Variants in AFF3 observed in about 807,000 individuals in gnomAD.
The protein encoded by AFF3 is AF4/FMR2 family member 3.
In AFF3, 32 loss-of-function variants were observed where a neutral mutation model predicts 129.7. The observed-to-expected ratio is 0.25, with a 90% CI of 0.19 to 0.33. The LOEUF (loss-of-function observed/expected upper bound fraction) is 0.33, where lower values mean the gene tolerates loss of function less well. Among genes scored for constraint, AFF3 ranks in the 10% least tolerant of loss-of-function variants. The pLI is 1.00. For synonymous variants in AFF3, 644 were observed against 635.4 expected (o/e 1.01, Z -0.20); for missense variants, 1,373 against 1,592.0 (o/e 0.86, Z 2.34).
intron 8 of AFF3, among the ~76,000 whole-genome samples, chr2:99,767,847 A>G (rs1207760855): frequency 3.3e-5 from 5 of 152,212 alleles, no homozygotes; most frequent in African/African-American, 9.7e-5. Context: ...CAGGAGGCTG[A>G]GGCAGGAGAA....
At chr2:100,039,590 A>C (rs868243331) in intron 4 of AFF3, among the ~76,000 whole-genome samples, 11 of 151,836 alleles carry the variant, frequency 7.2e-5, no homozygotes, top group Admixed American at 1.3e-4. Flanking sequence ...CCCCATGGCC[A>C]ATGACCTAGC....
chr2:99,747,392 C>T (rs1402972733), intron 9 of AFF3, among the ~76,000 whole-genome samples: 5 of 152,222 alleles, frequency 3.3e-5, no homozygotes, highest in South Asian at 2.1e-4. Context: ...TGCAGTGGCA[C>T]GATCATGGCT....
intron 7 of AFF3, among the ~76,000 whole-genome samples, chr2:99,923,775 A>G (rs1289107496): frequency 6.6e-6 from 1 of 152,190 alleles, no homozygotes; most frequent in Non-Finnish European, 1.5e-5. Flanking sequence ...AAAAGAGAAC[A>G]TGTTATGGCC....
intron 14 of AFF3, 73 bp downstream of exon 14, chr2:99,601,362 A>G (rs1679810129): frequency 6.9e-7 from 1 of 1,443,708 alleles, no homozygotes; most frequent in Admixed American, 2.5e-5. Context: ...TGTGACAGTG[A>G]CAATGCCCGG....
chr2:100,054,189 G>T (rs1229595124), intron 4 of AFF3, among the ~76,000 whole-genome samples: 2 of 152,186 alleles, frequency 1.3e-5, no homozygotes, highest in African/African-American at 4.8e-5. Flanking sequence ...CTGACCAAGT[G>T]GGGGCACCTT....
intron 7 of AFF3, among the ~76,000 whole-genome samples, chr2:99,968,777 C>T (rs778634649): frequency 2.0e-5 from 3 of 152,180 alleles, no homozygotes; most frequent in Non-Finnish European, 2.9e-5. Context: ...CAACAGCTTC[C>T]GGCTAGAAGG....
chr2:99,656,871 G>A lies in AFF3; in HGVS notation c.1144-7205C>T, dbSNP rs566111874. On this transcript the variant is annotated intron_variant, in intron 12 of 24. Transcript: ENST00000672756. ...TGCTGCCTAGGAAGCATTTTGTTCG[G>A]TCAACTTTGACCTCATCCCATTCTC... Among the ~76,000 whole-genome samples the A allele has an allele frequency of 1.2e-4, 18 of 152,222 alleles. No individual in the cohort carries two copies. In the South Asian group the frequency reaches 3.3e-3, roughly 28 times the overall value.
chr2:100,106,797 A>G (rs746824155), intron 2 of AFF3: 88 of 985,390 alleles, frequency 8.9e-5, no homozygotes, highest in South Asian at 4.7e-5. Context: ...TGCGAGTCCC[A>G]TGCTGGGCCT....
rs1688770746 is a variant in AFF3, at chr2:99,835,145, CCACTCCCTCTTGCTTCTCCTT to C, written c.921+2311_921+2331del. 3.3e-5 allele frequency among the ~76,000 whole-genome samples: 5 copies of C among 152,274 alleles called. No individual in the cohort carries two copies. In the South Asian group the frequency reaches 1.0e-3, roughly 32 times the overall value. ...TGGGCTGGACTCCTGCAATAGCCTC[CCACTCCCTCTTGCTTCTCCTT>C]TTCCCGGTGGATCCCTCTCCATAGC... On this transcript the variant is annotated intron_variant, in intron 8 of 24. Coordinates refer to ENST00000672756, the MANE Select transcript of AFF3 (RefSeq NM_001386135.1).
chr2:99,565,383 C>T, intron 20 of AFF3, 104 bp downstream of exon 20: 1 of 1,484,264 alleles, frequency 6.7e-7, no homozygotes, highest in East Asian at 2.3e-5. Flanking sequence ...AACACTGGTT[C>T]CTGGTGGGGG....
chr2:100,079,814 G>A (rs1005815211), intron 4 of AFF3, among the ~76,000 whole-genome samples: 2 of 152,090 alleles, frequency 1.3e-5, no homozygotes, highest in South Asian at 2.1e-4. Flanking sequence ...GTCTGATGCC[G>A]CAGATGTTAT....
intron 8 of AFF3, among the ~76,000 whole-genome samples, chr2:99,761,205 G>A (rs1429228706): frequency 6.9e-6 from 1 of 145,124 alleles, no homozygotes; most frequent in African/African-American, 2.7e-5. Context: ...TTTTTGTATA[G>A]GCTTATAATG....
chr2:99,940,679 G>A (rs1240636067), intron 7 of AFF3, among the ~76,000 whole-genome samples: 1 of 152,080 alleles, frequency 6.6e-6, no homozygotes, highest in African/African-American at 2.4e-5. Context: ...CAAAAAAATG[G>A]GCAACCAGCA....
chr2:99,553,918 C>CAAAAAAAAAA (rs61326965), intron 24 of AFF3, among the ~76,000 whole-genome samples: 3 of 56,962 alleles, frequency 5.3e-5, no homozygotes, highest in African/African-American at 1.4e-4. Flanking sequence ...TGTCTCAAAC[C>CAAAAAAAAAA]AAAAAAAAAA....
At chr2:99,796,649 G>A (rs547981729) in intron 8 of AFF3, among the ~76,000 whole-genome samples, 47 of 152,296 alleles carry the variant, frequency 3.1e-4, no homozygotes, top group Admixed American at 2.7e-3. Context: ...ACACAAGAGC[G>A]GAGATTGCTG....
intron 7 of AFF3, among the ~76,000 whole-genome samples, chr2:99,968,725 C>T (rs947047084): frequency 6.6e-6 from 1 of 152,010 alleles, no homozygotes; most frequent in African/African-American, 2.4e-5. Flanking sequence ...GACAAATGGC[C>T]CATGGTTAAG....
intron 10 of AFF3, among the ~76,000 whole-genome samples, chr2:99,730,088 T>C (rs1271922169): frequency 1.3e-5 from 2 of 152,236 alleles, no homozygotes; most frequent in Non-Finnish European, 2.9e-5. Flanking sequence ...TTTGTCTGGC[T>C]GGGCCTTCCA....
At chr2:99,839,996 G>A (rs935123811) in intron 7 of AFF3, among the ~76,000 whole-genome samples, 2 of 150,092 alleles carry the variant, frequency 1.3e-5, no homozygotes, top group South Asian at 2.1e-4. Flanking sequence ...CAAGCACTTT[G>A]CCCATGTTGT....
chr2:99,950,185 AC>A (rs1280834043), intron 7 of AFF3, among the ~76,000 whole-genome samples: 2 of 152,208 alleles, frequency 1.3e-5, no homozygotes, highest in Admixed American at 1.3e-4. Context: ...CTCAGTTTGG[AC>A]AAATAATTAT....
Sources: gnomAD v4.1 joint callset for allele counts (sites outside exome capture counted in the v4.1 genomes callset) on GRCh38, gnomAD v4.1.1 for gene constraint, MANE v1.5 for transcripts, NCBI Gene and HGNC (gene_info 2026-07-23, HGNC 2026-07-21) for gene names.